Variants in HGD observed in about 807,000 individuals in gnomAD.
HGD encodes the protein homogentisate oxidase.
In HGD, 61 loss-of-function variants were observed where a neutral mutation model predicts 60.8. The observed-to-expected ratio is 1.00, with a 90% CI of 0.82 to 1.24. HGD has a LOEUF of 1.24. HGD is among the 50% of genes most tolerant of loss of function. The pLI, the probability that HGD is intolerant of heterozygous loss-of-function variation, is 0.00. For synonymous variants in HGD, 212 were observed against 187.7 expected, an observed-to-expected ratio of 1.13 and a Z score of -1.06; for missense variants, 542 against 547.1, an observed-to-expected ratio of 0.99 and a Z score of 0.09.
intron 11 of HGD, among the ~76,000 whole-genome samples, chr3:120,639,229 G>A (rs1374355820): frequency 6.6e-6 from 1 of 152,268 alleles, no homozygotes; most frequent in Non-Finnish European, 1.5e-5. Flanking sequence ...GTAGTCTCCA[G>A]TGTCTATTTT....
chr3:120,657,941 A>C (rs1941547904), intron 4 of HGD, among the ~76,000 whole-genome samples: 1 of 152,186 alleles, frequency 6.6e-6, no homozygotes, highest in African/African-American at 2.4e-5. Flanking sequence ...GGACAGTACC[A>C]ACAGGGATGG....
intron 10 of HGD, 95 bp downstream of exon 10, chr3:120,644,224 G>A: frequency 7.0e-7 from 1 of 1,421,082 alleles, no homozygotes; most frequent in Non-Finnish European, 9.9e-7. Context: ...AACAACGAAA[G>A]GATATATGTA....
rs142789485 is a variant in HGD, at chr3:120,674,948, C to T, written c.129G>A (p.Gln43=). ...GACAAGTGAAAGCCGATCCTGAGAGCTGCTCAGCATAGAGATTGTAGGGGC... is the reference window on the plus strand; with the variant it reads ...GACAAGTGAAAGCCGATCCTGAGAGTTGCTCAGCATAGAGATTGTAGGGGC... ...QVCPYNLYAE[Q]LSGSAFTCPR... is the part of the protein sequence containing the mutation. The change falls in exon 3 of 14, where the codon CAG becomes CAA. Residue 43 remains glutamine, a synonymous_variant. Transcript: ENST00000283871. 2.9e-4 allele frequency: 470 copies of T among 1,612,138 alleles called. 3 individuals are homozygous for T. The African/African-American group carries it at 5.5e-3, about 19-fold the overall frequency.
chr3:120,675,112 G>A lies in HGD; in HGVS notation c.88-123C>T, dbSNP rs552418597. The stretch of plus-strand genomic sequence containing the variant: ...GACTGCACATGACCATCTGCAACCC[G>A]ATATGTTTCTTGTAACAACTTTTGA... On this transcript the variant is annotated intron_variant, in intron 2 of 13. Transcript: ENST00000283871. 54 of 704,282 alleles carry A rather than the reference G, an allele frequency of 7.7e-5. No homozygotes were observed. In the East Asian group the frequency reaches 1.3e-3, roughly 17 times the overall value. The allele number at this position is 704,282 out of a possible 1,614,324, so 43.6% of individuals were successfully genotyped here.
chr3:120,663,644 A>G (rs1707829868), intron 4 of HGD, among the ~76,000 whole-genome samples: 1 of 152,196 alleles, frequency 6.6e-6, no homozygotes, highest in African/African-American at 2.4e-5. Context: ...CAGGGAAAAA[A>G]GGGGATTCAG....
At chr3:120,657,365 G>A (rs1941528507) in intron 4 of HGD, among the ~76,000 whole-genome samples, 1 of 152,092 alleles carries the variant, frequency 6.6e-6, no homozygotes, top group South Asian at 2.1e-4. Context: ...TTAGATAATT[G>A]GCCTAAATAT....
In HGD at chr3:120,646,502, G is replaced by A. The variant is rs138630188; in HGVS notation, c.550-136C>T. On this transcript the variant is annotated intron_variant, in intron 8 of 13. Transcript: ENST00000283871. ...TTGAGCTGCTTGGGAGGTGACCAGAGCAAACATGAAAAACTGAATTTTTTT... is the reference window on the plus strand; with the variant it reads ...TTGAGCTGCTTGGGAGGTGACCAGAACAAACATGAAAAACTGAATTTTTTT... 1.9e-4 allele frequency: 126 copies of A among 679,562 alleles called. No homozygotes were observed. In the East Asian group the frequency reaches 3.2e-3, roughly 17 times the overall value. 42.1% of individuals were successfully genotyped at this position (679,562 alleles called of 1,614,324 possible).
intron 3 of HGD, among the ~76,000 whole-genome samples, chr3:120,672,642 T>C (rs1432252118): frequency 6.6e-6 from 1 of 152,156 alleles, no homozygotes; most frequent in Non-Finnish European, 1.5e-5. Flanking sequence ...TCCCAGTATA[T>C]GAAGTTCAGA....
intron 12 of HGD, among the ~76,000 whole-genome samples, chr3:120,637,396 A>C (rs1233095824): frequency 6.6e-6 from 1 of 152,040 alleles, no homozygotes; most frequent in Admixed American, 6.6e-5. Flanking sequence ...TTTTTAAAAA[A>C]CTTGTAACAG....
At chr3:120,630,297 A>T (rs1940543900) in intron 13 of HGD, among the ~76,000 whole-genome samples, 1 of 152,216 alleles carries the variant, frequency 6.6e-6, no homozygotes, top group Admixed American at 6.5e-5. Flanking sequence ...ATGGAACCAA[A>T]AAAGAGCCCA....
At chr3:120,669,557 C>T (rs1707979947) in intron 4 of HGD, among the ~76,000 whole-genome samples, 2 of 151,806 alleles carry the variant, frequency 1.3e-5, no homozygotes, top group Non-Finnish European at 2.9e-5. Flanking sequence ...AAGGTTTCTC[C>T]ATACATAGTG....
intron 12 of HGD, among the ~76,000 whole-genome samples, chr3:120,635,682 C>T (rs1940748601): frequency 6.6e-6 from 1 of 151,818 alleles, no homozygotes; most frequent in Non-Finnish European, 1.5e-5. Flanking sequence ...TGGTTTTTTC[C>T]CAACGAACTC....
chr3:120,663,128 T>C (rs777192949), intron 4 of HGD, among the ~76,000 whole-genome samples: 6 of 152,074 alleles, frequency 3.9e-5, no homozygotes, highest in Non-Finnish European at 8.8e-5. Context: ...CTTTTTGTTA[T>C]GATAGCTCTA....
At chr3:120,659,248 A>C (rs1941588210) in intron 4 of HGD, among the ~76,000 whole-genome samples, 1 of 152,236 alleles carries the variant, frequency 6.6e-6, no homozygotes, top group Non-Finnish European at 1.5e-5. Flanking sequence ...ATAGGTTTAA[A>C]TCTAAACTTA....
At chr3:120,635,441 C>T (rs1940736538) in intron 12 of HGD, among the ~76,000 whole-genome samples, 1 of 135,706 alleles carries the variant, frequency 7.4e-6, no homozygotes, top group South Asian at 2.4e-4. Flanking sequence ...GGCGCCACTG[C>T]ACTCCAGCCT....
intron 4 of HGD, among the ~76,000 whole-genome samples, 156 bp from the exon 5 acceptor site, chr3:120,652,807 T>A (rs527469542): frequency 2.6e-5 from 4 of 152,248 alleles, no homozygotes; most frequent in Non-Finnish European, 5.9e-5. Context: ...TTATCCATCA[T>A]TTCCTTAAAG....
At position 120,675,860 on chromosome 3, in the gene HGD, T is replaced by C; in HGVS notation, c.19A>G (p.Ile7Val). 7.4e-6 allele frequency: 12 copies of C among 1,612,976 alleles called. No homozygotes were observed. Among genetic ancestry groups the C allele is most frequent in the South Asian group, 1.1e-5 (1 of 91,060 alleles). MAELKYISGFGNECSSE... is the reference protein window; with the variant it reads MAELKYVSGFGNECSSE... ...GAACACTCATTCCCAAATCCAGAAA[T>C]GTACTGTAGGTGACAAAGACACAAA... Residue 7 changes from isoleucine (I) to valine (V), a missense_variant, in exon 2 of 14, where the codon ATT (isoleucine) becomes GTT (valine). Physicochemically the swap from Ile to Val is conservative, Grantham distance 29 (BLOSUM62 3). Coordinates refer to ENST00000283871, the MANE Select transcript of HGD (RefSeq NM_000187.4).
intron 1 of HGD, among the ~76,000 whole-genome samples, chr3:120,680,054 G>C (rs928212688): frequency 6.6e-6 from 1 of 152,222 alleles, no homozygotes; most frequent in Admixed American, 6.5e-5. Flanking sequence ...CAAGGATTTG[G>C]TGGTGGGGCC....
intron 6 of HGD, among the ~76,000 whole-genome samples, chr3:120,649,139 C>CTTTTTTTTTTTTTTTTTTTTT (rs10572267): frequency 3.2e-5 from 3 of 94,420 alleles, no homozygotes; most frequent in Non-Finnish European, 6.4e-5. Flanking sequence ...TCTTCTTTTT[C>CTTTTTTTTTTTTTTTTTTTTT]TTTTTTTTTT....
Sources: allele counts gnomAD v4.1 joint callset (sites outside exome capture counted in the v4.1 genomes callset), GRCh38; gene constraint gnomAD v4.1.1; transcripts MANE v1.5; gene names NCBI Gene and HGNC (gene_info 2026-07-23, HGNC 2026-07-21).